Variants in TAF1B observed in about 807,000 individuals in gnomAD.
The protein encoded by TAF1B is TATA-box binding protein associated factor, RNA polymerase I subunit B.
A neutral mutation model predicts 83.9 loss-of-function variants in TAF1B; 61 were observed. That is an observed-to-expected ratio of 0.73 (90% CI 0.59 to 0.90). TAF1B has a LOEUF of 0.90. TAF1B is among the 40% of genes least tolerant of loss of function. The pLI, the probability that TAF1B is intolerant of heterozygous loss-of-function variation, is 0.00. For synonymous variants in TAF1B, 221 were observed against 224.6 expected (o/e 0.98, Z 0.14); for missense variants, 625 against 677.0 (o/e 0.92, Z 0.85).
intron 11 of TAF1B, among the ~76,000 whole-genome samples, chr2:9,912,556 CT>C (rs1665564248): frequency 6.6e-6 from 1 of 152,164 alleles, no homozygotes; most frequent in African/African-American, 2.4e-5. Flanking sequence ...CCCTCTAATG[CT>C]AAAAGATGAT....
intron 5 of TAF1B, among the ~76,000 whole-genome samples, chr2:9,865,892 G>C (rs1220684969): frequency 6.6e-6 from 1 of 151,032 alleles, no homozygotes; most frequent in Non-Finnish European, 1.5e-5. Context: ...TATGTAGAAA[G>C]CTGAAACTGG....
chr2:9,845,330 A>G lies in TAF1B; in HGVS notation c.117+12A>G, dbSNP rs773093642. 5.6e-6 allele frequency: 9 copies of G among 1,604,012 alleles called. No homozygotes were observed. The South Asian group carries it at 9.9e-5, about 18-fold the overall frequency. On this transcript the variant is annotated intron_variant, in intron 2 of 14. Transcript: ENST00000263663. The stretch of plus-strand genomic sequence containing the variant: ...ACAATGTTACAGAGGTAAGTAACAA[A>G]TATCATTTATGAATTTGCTTATGTT...
At chr2:9,917,326 A>G (rs1665712718) in intron 12 of TAF1B, among the ~76,000 whole-genome samples, 1 of 152,238 alleles carries the variant, frequency 6.6e-6, no homozygotes, top group South Asian at 2.1e-4. Flanking sequence ...AATATTGTTA[A>G]AAATGTGTGC....
chr2:9,877,714 A>G (rs531672256), intron 7 of TAF1B, among the ~76,000 whole-genome samples: 8 of 152,204 alleles, frequency 5.3e-5, no homozygotes, highest in Admixed American at 2.6e-4. Context: ...GGCTAACAGA[A>G]CTCTCCTAGA....
At chr2:9,896,409 C>G (rs546295868) in intron 8 of TAF1B, among the ~76,000 whole-genome samples, 2 of 152,206 alleles carry the variant, frequency 1.3e-5, no homozygotes, top group South Asian at 2.1e-4. Context: ...TTTCTTCCCC[C>G]CTTCCATGCC....
chr2:9,870,361 G>A (rs1447520578), intron 6 of TAF1B, among the ~76,000 whole-genome samples: 2 of 152,124 alleles, frequency 1.3e-5, no homozygotes, highest in East Asian at 3.9e-4. Flanking sequence ...GGTGGTGCAT[G>A]CCTACAGTCC....
intron 9 of TAF1B, among the ~76,000 whole-genome samples, chr2:9,909,050 TATC>T (rs1477858876): frequency 2.6e-5 from 4 of 152,366 alleles, no homozygotes; most frequent in African/African-American, 9.6e-5. Flanking sequence ...TATTTTGAAT[TATC>T]ATTGTTATAT....
intron 9 of TAF1B, among the ~76,000 whole-genome samples, chr2:9,905,922 G>A (rs1665326657): frequency 6.6e-6 from 1 of 152,072 alleles, no homozygotes; most frequent in South Asian, 2.1e-4. Flanking sequence ...CATTTCTAAA[G>A]CTAAGGAATA....
At chr2:9,902,913 G>A (rs1017502821) in intron 8 of TAF1B, among the ~76,000 whole-genome samples, 1 of 152,142 alleles carries the variant, frequency 6.6e-6, no homozygotes, top group Non-Finnish European at 1.5e-5. Flanking sequence ...ATGCACATGT[G>A]TGTTGTACTA....
At chr2:9,851,037 G>A (rs1349477623) in intron 3 of TAF1B, among the ~76,000 whole-genome samples, 1 of 152,056 alleles carries the variant, frequency 6.6e-6, no homozygotes, top group African/African-American at 2.4e-5. Flanking sequence ...CGTGACATTC[G>A]TTCACTCATT....
chr2:9,878,812 G>A (rs1057079689), intron 7 of TAF1B, among the ~76,000 whole-genome samples: 3 of 152,152 alleles, frequency 2.0e-5, no homozygotes, highest in South Asian at 2.1e-4. Context: ...TTGGTGCAAA[G>A]GTCATTGCAG....
At chr2:9,868,802 A>G (rs1458213854) in intron 6 of TAF1B, 5 of 431,778 alleles carry the variant, frequency 1.2e-5, no homozygotes, top group Admixed American at 2.9e-5. Flanking sequence ...CAAAGATGGT[A>G]TGTCCAGTTT....
rs1665631065 is a variant in TAF1B, at chr2:9,914,687, G to A, written c.1271+1438G>A. ...ATAATTTATTGGCCAAAGAAAGTAA[G>A]TCTGGTTATAAAATGGCACTTTCCA... On this transcript the variant is annotated intron_variant, in intron 12 of 14. Coordinates refer to ENST00000263663, the MANE Select transcript of TAF1B (RefSeq NM_005680.3). The surrounding 1 kb of genome is among the most constrained non-coding windows in gnomAD (Gnocchi z 4.3). Among the ~76,000 whole-genome samples, 3 of 152,206 alleles carry A rather than the reference G, an allele frequency of 2.0e-5. No individual in the cohort carries two copies. In the South Asian group the frequency reaches 6.2e-4, roughly 32 times the overall value.
intron 5 of TAF1B, among the ~76,000 whole-genome samples, chr2:9,863,751 C>T (rs1021385667): frequency 4.6e-5 from 7 of 152,220 alleles, no homozygotes; most frequent in Non-Finnish European, 1.0e-4. Context: ...AACTGTCTTT[C>T]AGACCACAGT....
chr2:9,888,796 T>TGC (rs1664766138), intron 8 of TAF1B, among the ~76,000 whole-genome samples: 1 of 92,078 alleles, frequency 1.1e-5, no homozygotes, highest in African/African-American at 3.1e-5. Flanking sequence ...CTTGGTTTTT[T>TGC]TTTTTTTTTT....
At chr2:9,854,504 G>C in intron 5 of TAF1B, 83 bp downstream of exon 5, 1 of 959,416 alleles carries the variant, frequency 1.0e-6, no homozygotes, top group Non-Finnish European at 1.6e-6. Context: ...ACCAGTTTGA[G>C]TATCTGAGAT....
intron 2 of TAF1B, among the ~76,000 whole-genome samples, chr2:9,848,666 C>T (rs921127523): frequency 2.1e-5 from 3 of 140,208 alleles, no homozygotes; most frequent in Non-Finnish European, 4.6e-5. Context: ...AACTCCCTCT[C>T]AAAAAAAAAA....
intron 14 of TAF1B, among the ~76,000 whole-genome samples, chr2:9,924,129 A>G (rs1051679275): frequency 2.6e-5 from 4 of 152,210 alleles, no homozygotes; most frequent in Non-Finnish European, 5.9e-5. Context: ...AGTTTCAGTG[A>G]TACCATGACT....
intron 9 of TAF1B, among the ~76,000 whole-genome samples, chr2:9,908,612 T>C (rs1665421519): frequency 6.6e-6 from 1 of 152,236 alleles, no homozygotes. Flanking sequence ...TTGTACCTAG[T>C]AGACACTCAG....
Sources: allele counts gnomAD v4.1 joint callset (sites outside exome capture counted in the v4.1 genomes callset), GRCh38; gene constraint gnomAD v4.1.1; non-coding constraint Gnocchi (gnomAD v3.1); transcripts MANE v1.5; gene names NCBI Gene and HGNC (gene_info 2026-07-23, HGNC 2026-07-21).